The following NFIB variants were observed in gnomAD, a reference collection of about 807,000 sequenced individuals.
NFIB encodes nuclear factor I B.
A neutral mutation model predicts 61.5 loss-of-function variants in NFIB; 11 were observed. The observed-to-expected ratio is 0.18, with a 90% CI of 0.11 to 0.30. The LOEUF (loss-of-function observed/expected upper bound fraction) is 0.30. NFIB is among the 10% of genes least tolerant of loss of function. NFIB has a pLI of 1.00. For missense variants in NFIB, 471 were observed against 608.9 expected (o/e 0.77, Z 2.38); for synonymous variants, 260 against 216.5 (o/e 1.20, Z -1.76).
the NFIB span, among the ~76,000 whole-genome samples, chr9:14,530,894 G>A: frequency 6.6e-6 from 1 of 151,220 alleles, no homozygotes; most frequent in African/African-American, 2.4e-5. Flanking sequence ...AAAGGAAAGG[G>A]GCAAAAAGAA....
At chr9:14,425,607 A>ATTTTTTTTTTTTTTTTTTTTTTTTT in the NFIB span, among the ~76,000 whole-genome samples, 1 of 99,052 alleles carries the variant, frequency 1.0e-5, no homozygotes, top group African/African-American at 3.8e-5. Context: ...TTGCTACATA[A>ATTTTTTTTTTTTTTTTTTTTTTTTT]TTTTTTTTTT....
intron 2 of NFIB, among the ~76,000 whole-genome samples, chr9:14,193,762 T>C (rs1245820679): frequency 6.6e-6 from 1 of 152,162 alleles, no homozygotes; most frequent in African/African-American, 2.4e-5. Flanking sequence ...ACAGTACCAA[T>C]ATACTTAATG....
the NFIB span, among the ~76,000 whole-genome samples, chr9:14,452,447 GAAAGGA>G: frequency 1.7e-4 from 21 of 126,078 alleles, no homozygotes; most frequent in African/African-American, 3.4e-4. Context: ...GGAAGGAAAG[GAAAGGA>G]AAGGAAAGGA....
chr9:14,408,501 T>C, the NFIB span, among the ~76,000 whole-genome samples: 3 of 152,024 alleles, frequency 2.0e-5, no homozygotes, highest in Non-Finnish European at 2.9e-5. Context: ...GAGGCGGGAA[T>C]ACAGAAAAAA....
chr9:14,370,530 A>G (rs1201313676), intron 1 of NFIB, among the ~76,000 whole-genome samples: 3 of 152,260 alleles, frequency 2.0e-5, no homozygotes, highest in African/African-American at 7.2e-5. Flanking sequence ...CAGTGTAAAT[A>G]TGTGTTAAAT....
chr9:14,337,700 C>A (rs2083880549), intron 1 of NFIB, among the ~76,000 whole-genome samples: 1 of 152,222 alleles, frequency 6.6e-6, no homozygotes, highest in Admixed American at 6.5e-5. Context: ...CCTAAAGCTC[C>A]TTTGATGTCA....
chr9:14,310,017 G>A (rs2060208921), intron 1 of NFIB, among the ~76,000 whole-genome samples: 1 of 152,180 alleles, frequency 6.6e-6, no homozygotes, highest in Admixed American at 6.5e-5. Context: ...ACTATGTTCA[G>A]TGACATTTCA....
intron 10 of NFIB, among the ~76,000 whole-genome samples, chr9:14,092,980 TTA>T (rs2034181483): frequency 2.0e-5 from 3 of 152,086 alleles, no homozygotes; most frequent in South Asian, 4.1e-4. Context: ...CATTTTCTGG[TTA>T]TGTTTTTTTA....
intron 9 of NFIB, among the ~76,000 whole-genome samples, chr9:14,114,028 T>C (rs1484439970): frequency 6.6e-6 from 1 of 152,200 alleles, no homozygotes; most frequent in African/African-American, 2.4e-5. Flanking sequence ...ACCTTTATTG[T>C]TCTGAAGAAA....
the NFIB span, among the ~76,000 whole-genome samples, chr9:14,531,506 T>C: frequency 2.0e-5 from 3 of 152,046 alleles, no homozygotes; most frequent in Non-Finnish European, 4.4e-5. Context: ...GCACACAACA[T>C]GATACAATAC....
At chr9:14,466,356 T>C in the NFIB span, among the ~76,000 whole-genome samples, 47,464 of 152,042 alleles carry the variant, frequency 0.31, 7,883 homozygotes, top group East Asian at 0.45. Context: ...AGATGAGGCA[T>C]GGAAAGACTG....
chr9:14,369,006 C>G (rs1233991236), intron 1 of NFIB, among the ~76,000 whole-genome samples: 1 of 152,116 alleles, frequency 6.6e-6, no homozygotes, highest in Non-Finnish European at 1.5e-5. Context: ...GTTTTTGGTA[C>G]TGTGTATCAT....
At chr9:14,484,369 C>A in the NFIB span, among the ~76,000 whole-genome samples, 1 of 152,162 alleles carries the variant, frequency 6.6e-6, no homozygotes, top group Non-Finnish European at 1.5e-5. Flanking sequence ...AGGTTGAGAG[C>A]CAAATGGTAC....
intron 2 of NFIB, among the ~76,000 whole-genome samples, chr9:14,264,000 A>G (rs1259629998): frequency 6.6e-6 from 1 of 152,204 alleles, no homozygotes; most frequent in Non-Finnish European, 1.5e-5. Context: ...GGGCAGAACA[A>G]TTGCCCATGG....
upstream of NFIB, among the ~76,000 whole-genome samples, chr9:14,401,026 G>A (rs759726713): frequency 8.5e-5 from 13 of 152,206 alleles, no homozygotes; most frequent in Admixed American, 2.0e-4. Context: ...ATCATCCCAA[G>A]AAGGGACAGA....
intron 2 of NFIB, among the ~76,000 whole-genome samples, chr9:14,233,421 C>CTTTTTTTTTTTTTT: frequency 9.2e-6 from 1 of 109,126 alleles, no homozygotes; most frequent in Non-Finnish European, 1.9e-5. Context: ...TGCTATTATT[C>CTTTTTTTTTTTTTT]TTTTTTTTTT....
At chr9:14,201,663 G>A (rs2049044991) in intron 2 of NFIB, among the ~76,000 whole-genome samples, 2 of 152,060 alleles carry the variant, frequency 1.3e-5, no homozygotes, top group Admixed American at 6.5e-5. Flanking sequence ...CTCCAAGATT[G>A]TGACCTCCTG....
At chr9:14,088,550 G>T (rs984037707) in intron 10 of NFIB, among the ~76,000 whole-genome samples, 7 of 151,954 alleles carry the variant, frequency 4.6e-5, no homozygotes, top group Non-Finnish European at 1.0e-4. Flanking sequence ...CTAAAGTGAG[G>T]CAGAAAAATC....
At chr9:14,157,816 A>T (rs2043613019) in intron 3 of NFIB, among the ~76,000 whole-genome samples, 1 of 152,132 alleles carries the variant, frequency 6.6e-6, no homozygotes, top group African/African-American at 2.4e-5. Context: ...ACTTTATTTT[A>T]TATAGGGTAA....
Sources: allele counts gnomAD v4.1 joint callset (sites outside exome capture counted in the v4.1 genomes callset), GRCh38; gene constraint gnomAD v4.1.1; transcripts MANE v1.5; gene names NCBI Gene and HGNC (gene_info 2026-07-23, HGNC 2026-07-21).